PSD3: variants seen among roughly 807,000 people sequenced by gnomAD.
PSD3 encodes PH and SEC7 domain-containing protein 3.
Under a neutral mutation model 105.5 loss-of-function variants are expected in PSD3, and 49 were observed. The ratio of observed to expected loss-of-function variants is 0.46; its 90% CI spans 0.37 to 0.59. The LOEUF (loss-of-function observed/expected upper bound fraction) is 0.59. Ranked by LOEUF, PSD3 falls within the 20% of genes least tolerant of loss-of-function variation. PSD3 has a pLI of 0.00. For synonymous variants in PSD3, 557 were observed against 457.8 expected, an observed-to-expected ratio of 1.22 and a Z score of -2.77; for missense variants, 1,561 against 1,263.8, an observed-to-expected ratio of 1.24 and a Z score of -3.57.
intron 4 of PSD3, chr8:18,865,021 C>T (rs927206625): frequency 1.3e-5 from 2 of 151,144 alleles, no homozygotes; most frequent in East Asian, 3.9e-4. Context: ...AACAGACCAT[C>T]TCAGACTTCC....
At chr8:18,888,518 T>C (rs988863556) in intron 2 of PSD3, among the ~76,000 whole-genome samples, 3 of 151,682 alleles carry the variant, frequency 2.0e-5, no homozygotes, top group Non-Finnish European at 2.9e-5. Flanking sequence ...TGGGGTTTTC[T>C]GAGGACTAAA....
intron 9 of PSD3, among the ~76,000 whole-genome samples, chr8:18,720,736 A>G (rs965686972): frequency 6.6e-6 from 1 of 152,204 alleles, no homozygotes; most frequent in African/African-American, 2.4e-5. Flanking sequence ...TACCAGTCAC[A>G]GGAGCGCCGA....
At chr8:19,025,612 A>G (rs765985553) in intron 1 of PSD3, among the ~76,000 whole-genome samples, 4 of 152,146 alleles carry the variant, frequency 2.6e-5, no homozygotes, top group African/African-American at 4.8e-5. Context: ...CCCAGTATCA[A>G]TGGGAACCTC....
At chr8:18,679,711 A>G (rs1800274195) in intron 9 of PSD3, among the ~76,000 whole-genome samples, 1 of 152,220 alleles carries the variant, frequency 6.6e-6, no homozygotes, top group Non-Finnish European at 1.5e-5. Flanking sequence ...AAACCAGGGT[A>G]GCCCGCCAGG....
Position 18,880,476 on chromosome 8 carries a change from G to A in PSD3, c.131-7743C>T, listed in dbSNP as rs147189155. On this transcript the variant is annotated intron_variant, in intron 2 of 15. Transcript: ENST00000327040. ...CAAGCATAGACTCAGGAATAACCAC[G>A]CAGGCTTCTGACAATAGTACAGGTG... 6.9e-4 allele frequency among the ~76,000 whole-genome samples: 105 copies of A among 152,264 alleles called. 1 individual carries two copies. Among genetic ancestry groups the A allele is most frequent in the East Asian group, 5.4e-3 (28 of 5,176 alleles).
intron 9 of PSD3, among the ~76,000 whole-genome samples, chr8:18,764,710 T>C (rs547340068): frequency 3.9e-5 from 6 of 152,272 alleles, no homozygotes; most frequent in East Asian, 3.9e-4. Context: ...TTTAAAGAAA[T>C]TGATTCCAAA....
chr8:18,843,933 T>TG, intron 4 of PSD3, among the ~76,000 whole-genome samples: 2 of 135,438 alleles, frequency 1.5e-5, no homozygotes, highest in South Asian at 4.7e-4. Context: ...TTTTTTTTTT[T>TG]TACCCAAGGC....
At position 18,867,670 on chromosome 8, in the gene PSD3, G is replaced by A. The variant is rs952819620; in HGVS notation, c.1634+4C>T. The A allele has an allele frequency of 1.9e-6, 3 of 1,604,760 alleles. No individual in the cohort carries two copies. The highest frequency in any genetic ancestry group is 2.6e-6 in the Non-Finnish European group (3 of 1,174,574). The stretch of plus-strand genomic sequence containing the variant: ...CATGAAATGAATGAGAATGGGACGA[G>A]TACCTTCCCCAGAAAGCAATCTCCG... On this transcript the variant is annotated splice_donor_region_variant and intron_variant, in intron 4 of 15. Transcript: ENST00000327040.
At chr8:18,603,282 TTTTC>T (rs1804569918) in intron 11 of PSD3, among the ~76,000 whole-genome samples, 1 of 152,162 alleles carries the variant, frequency 6.6e-6, no homozygotes, top group Non-Finnish European at 1.5e-5. Context: ...TTACTTTGGC[TTTTC>T]TTTTTTTTAA....
At chr8:18,960,105 A>G (rs948348711) in intron 1 of PSD3, among the ~76,000 whole-genome samples, 4 of 152,216 alleles carry the variant, frequency 2.6e-5, no homozygotes, top group African/African-American at 9.6e-5. Context: ...TTCAACATCT[A>G]CAATAATGTC....
intron 14 of PSD3, among the ~76,000 whole-genome samples, chr8:18,571,360 G>C (rs879695003): frequency 8.0e-6 from 1 of 125,308 alleles, no homozygotes. Flanking sequence ...CTAGGCCTTC[G>C]TTCCTCTGAT....
At chr8:18,951,066 A>G (rs1184447725) in intron 1 of PSD3, among the ~76,000 whole-genome samples, 1 of 152,174 alleles carries the variant, frequency 6.6e-6, no homozygotes, top group Non-Finnish European at 1.5e-5. Flanking sequence ...TGTTTGAGGA[A>G]TATTCATTCT....
rs558079518 is a variant in PSD3 at position 18,645,236 on chromosome 8, C to T, written c.2216+10406G>A. Among the ~76,000 whole-genome samples, 22 of 152,342 alleles carry T rather than the reference C, an allele frequency of 1.4e-4. 1 individual carries two copies. In the East Asian group the frequency reaches 4.0e-3, roughly 28 times the overall value. On this transcript the variant is annotated intron_variant, in intron 10 of 15. Coordinates refer to ENST00000327040, the MANE Select transcript of PSD3 (RefSeq NM_015310.4). ...GACATGCTGACACCATAGCAAGAGTCTTCCTTAATTCTAACCACTGAAAAT... is the reference window on the plus strand; with the variant it reads ...GACATGCTGACACCATAGCAAGAGTTTTCCTTAATTCTAACCACTGAAAAT...
At chr8:18,635,268 A>C (rs11992522) in intron 10 of PSD3, among the ~76,000 whole-genome samples, 9,232 of 152,138 alleles carry the variant, frequency 0.061, 462 homozygotes, top group African/African-American at 0.14. Flanking sequence ...CACTTCTCCA[A>C]GGAGCCTTGG....
chr8:18,821,721 C>CCCCAATAACAA (rs1812738154), intron 4 of PSD3, among the ~76,000 whole-genome samples: 1 of 19,036 alleles, frequency 5.3e-5, no homozygotes, highest in Non-Finnish European at 1.7e-4. Flanking sequence ...ACACACACCC[C>CCCCAATAACAA]AATAACAAAG....
chr8:18,661,983 T>G (rs907691043), intron 9 of PSD3, among the ~76,000 whole-genome samples: 1 of 150,228 alleles, frequency 6.7e-6, no homozygotes, highest in East Asian at 2.0e-4. Flanking sequence ...TAATAGAACA[T>G]GCTTGAATTT....
At chr8:18,984,894 C>G (rs1348152818) in intron 1 of PSD3, among the ~76,000 whole-genome samples, 1 of 152,128 alleles carries the variant, frequency 6.6e-6, no homozygotes, top group African/African-American at 2.4e-5. Context: ...CTCAATGTCA[C>G]CAGGAAATGG....
intron 10 of PSD3, among the ~76,000 whole-genome samples, chr8:18,638,927 T>C (rs1807454989): frequency 6.6e-6 from 1 of 152,204 alleles, no homozygotes; most frequent in African/African-American, 2.4e-5. Context: ...ACTGGATTTC[T>C]GGAAAAGGTT....
intron 1 of PSD3, among the ~76,000 whole-genome samples, chr8:18,942,773 A>C (rs998733366): frequency 2.0e-5 from 3 of 152,216 alleles, no homozygotes; most frequent in African/African-American, 7.2e-5. Context: ...TAGAACTGTA[A>C]GAAAATTAAT....
Sources: allele counts gnomAD v4.1 joint callset (sites outside exome capture counted in the v4.1 genomes callset), GRCh38; gene constraint gnomAD v4.1.1; transcripts MANE v1.5; gene names NCBI Gene and HGNC (gene_info 2026-07-23, HGNC 2026-07-21).